Variants in MED12L observed in about 807,000 individuals in gnomAD.
The protein encoded by MED12L is mediator complex subunit 12L.
Under a neutral mutation model 281.3 loss-of-function variants are expected in MED12L, and 60 were observed. That is an observed-to-expected ratio of 0.21 (90% CI 0.17 to 0.26). The LOEUF (loss-of-function observed/expected upper bound fraction) is 0.26, where lower values mean the gene tolerates loss of function less well. Among genes scored for constraint, MED12L ranks in the 10% least tolerant of loss-of-function variants. The pLI is 1.00. For synonymous variants in MED12L, 974 were observed against 987.2 expected (o/e 0.99, Z 0.25); for missense variants, 2,146 against 2,680.9 (o/e 0.80, Z 4.41).
chr3:151,161,712 A>C (rs187612846), intron 8 of MED12L, among the ~76,000 whole-genome samples: 20 of 152,340 alleles, frequency 1.3e-4, no homozygotes, highest in Admixed American at 9.8e-4. Flanking sequence ...TAACATCAAT[A>C]ATGCATAGAT....
intron 43 of MED12L, among the ~76,000 whole-genome samples, chr3:151,426,974 G>GCACCA (rs1314703706): frequency 6.6e-6 from 1 of 151,912 alleles, no homozygotes; most frequent in African/African-American, 2.4e-5. Flanking sequence ...GCACCACCAT[G>GCACCA]CCTGGCTAAT....
At chr3:151,412,391 C>T (rs750039492) in intron 41 of MED12L, among the ~76,000 whole-genome samples, 12 of 152,074 alleles carry the variant, frequency 7.9e-5, no homozygotes, top group Non-Finnish European at 1.3e-4. Flanking sequence ...TATTGGACAG[C>T]GCAGAGAGAA....
chr3:151,203,462 A>G (rs1476393787), intron 16 of MED12L, among the ~76,000 whole-genome samples: 1 of 151,864 alleles, frequency 6.6e-6, no homozygotes, highest in African/African-American at 2.4e-5. Flanking sequence ...TAATGATTTC[A>G]AAGAATATCA....
intron 16 of MED12L, among the ~76,000 whole-genome samples, chr3:151,315,512 T>C (rs2149796267): frequency 6.6e-6 from 1 of 152,332 alleles, no homozygotes; most frequent in East Asian, 1.9e-4. Flanking sequence ...CCATCTGCTC[T>C]TCTAGGCCCT....
intron 16 of MED12L, among the ~76,000 whole-genome samples, chr3:151,194,897 G>A (rs1724441492): frequency 6.6e-6 from 1 of 152,182 alleles, no homozygotes; most frequent in African/African-American, 2.4e-5. Flanking sequence ...GGGCGCGGTG[G>A]CTCATGCCTG....
intron 16 of MED12L, among the ~76,000 whole-genome samples, chr3:151,344,053 G>A (rs1165205371): frequency 3.3e-5 from 5 of 152,046 alleles, no homozygotes; most frequent in African/African-American, 1.2e-4. Flanking sequence ...ATACCAACAG[G>A]TTCCAAAAGT....
At chr3:151,335,004 A>G (rs1375432535) in intron 16 of MED12L, among the ~76,000 whole-genome samples, 4 of 152,114 alleles carry the variant, frequency 2.6e-5, no homozygotes, top group Non-Finnish European at 5.9e-5. Flanking sequence ...AATTTTATTC[A>G]TTTGATTTTT....
intron 16 of MED12L, among the ~76,000 whole-genome samples, chr3:151,305,760 G>C (rs907911596): frequency 2.6e-5 from 4 of 152,102 alleles, no homozygotes; most frequent in East Asian, 3.9e-4. Context: ...GGGCAGTATT[G>C]GGCAGAGGTA....
intron 5 of MED12L, among the ~76,000 whole-genome samples, chr3:151,148,624 G>A (rs1314988910): frequency 6.6e-6 from 1 of 152,272 alleles, no homozygotes; most frequent in East Asian, 1.9e-4. Flanking sequence ...CATCACCTCT[G>A]ACTTAAAGTG....
chr3:151,228,785 T>C (rs1476249229), intron 16 of MED12L, among the ~76,000 whole-genome samples: 1 of 152,232 alleles, frequency 6.6e-6, no homozygotes, highest in African/African-American at 2.4e-5. Flanking sequence ...GAACCAATTC[T>C]TTTTTCTCCT....
chr3:151,390,297 A>C (rs1274332400), intron 38 of MED12L, among the ~76,000 whole-genome samples, 162 bp downstream of exon 38: 2 of 152,196 alleles, frequency 1.3e-5, no homozygotes, highest in Non-Finnish European at 2.9e-5. Context: ...TTGTTTTCTA[A>C]AATAGGTTAA....
chr3:151,207,073 G>A (rs1269856877), intron 16 of MED12L, among the ~76,000 whole-genome samples: 1 of 148,078 alleles, frequency 6.8e-6, no homozygotes, highest in Non-Finnish European at 1.5e-5. Context: ...TTAAGACAGG[G>A]TCGTCTTACG....
chr3:151,435,992 G>A lies in MED12L; in HGVS notation c.*3188G>A, dbSNP rs542053128. On this transcript the variant is annotated 3_prime_UTR_variant, in exon 45 of 45. Transcript: ENST00000687756. ...TTTAAAGTTATAAAGAAGTTTCATTGTATTTTTAAAACCTTTTTAATGGGT... is the reference window on the plus strand; with the variant it reads ...TTTAAAGTTATAAAGAAGTTTCATTATATTTTTAAAACCTTTTTAATGGGT... 2.0e-5 allele frequency: 3 copies of A among 152,212 alleles called. No individual in the cohort carries two copies. The highest frequency in any genetic ancestry group is 3.9e-4 in the East Asian group (2 of 5,178). 9.4% of individuals were successfully genotyped at this position (152,212 alleles called of 1,614,324 possible).
intron 30 of MED12L, among the ~76,000 whole-genome samples, chr3:151,377,383 T>TGAGTAGGC: frequency 6.6e-6 from 1 of 152,216 alleles, no homozygotes; most frequent in South Asian, 2.1e-4. Context: ...CTTAAACACC[T>TGAGTAGGC]TGAAACTGCA....
chr3:151,237,797 A>G (rs528873638), intron 16 of MED12L, among the ~76,000 whole-genome samples: 2 of 152,154 alleles, frequency 1.3e-5, no homozygotes, highest in South Asian at 2.1e-4. Flanking sequence ...TGTAGTCTTC[A>G]TTTGTACAGT....
intron 16 of MED12L, among the ~76,000 whole-genome samples, chr3:151,334,196 C>CTTTTTTTTTTT (rs71138494): frequency 5.1e-5 from 6 of 118,220 alleles, no homozygotes; most frequent in South Asian, 2.8e-4. Context: ...TTCTTTCTTT[C>CTTTTTTTTTTT]TTTTTTTTTT....
At chr3:151,384,830 A>G (rs899215036) in intron 35 of MED12L, 200 bp from the exon 36 acceptor site, 3 of 520,284 alleles carry the variant, frequency 5.8e-6, no homozygotes, top group Non-Finnish European at 1.0e-5. Flanking sequence ...TATGTGTTCT[A>G]TTTTCTACTT....
At chr3:151,345,099 A>G (rs774591030) in intron 16 of MED12L, among the ~76,000 whole-genome samples, 3 of 152,214 alleles carry the variant, frequency 2.0e-5, no homozygotes, top group African/African-American at 7.2e-5. Context: ...TTCTTCATCT[A>G]TTAAGTTTCT....
chr3:151,213,497 G>T (rs145589776), intron 16 of MED12L: 6 of 1,613,878 alleles, frequency 3.7e-6, no homozygotes, highest in Non-Finnish European at 5.1e-6. Context: ...TTCATATACC[G>T]CAAGATTTCT....
Sources: gnomAD v4.1 joint callset for allele counts (sites outside exome capture counted in the v4.1 genomes callset) on GRCh38, gnomAD v4.1.1 for gene constraint, MANE v1.5 for transcripts, NCBI Gene and HGNC (gene_info 2026-07-23, HGNC 2026-07-21) for gene names.